SLC17A8: variants seen among roughly 807,000 people sequenced by gnomAD.
The protein encoded by SLC17A8 is solute carrier family 17 member 8.
Under a neutral mutation model 58.0 loss-of-function variants are expected in SLC17A8, and 31 were observed. The ratio of observed to expected loss-of-function variants is 0.53; its 90% CI spans 0.40 to 0.72. The LOEUF is 0.72. Among genes scored for constraint, SLC17A8 ranks in the 30% least tolerant of loss-of-function variants. SLC17A8 has a pLI of 0.00. For missense variants in SLC17A8, 655 were observed against 727.8 expected (o/e 0.90, Z 1.15); for synonymous variants, 228 against 249.0 (o/e 0.92, Z 0.79).
At position 100,420,284 on chromosome 12, in the gene SLC17A8, A is replaced by G; in HGVS notation, c.*125A>G. The G allele has an allele frequency of 2.8e-6, 2 of 723,478 alleles. No homozygotes were observed. The highest frequency in any genetic ancestry group is 5.4e-5 in the East Asian group (2 of 37,030). 44.8% of individuals were successfully genotyped at this position (723,478 alleles called of 1,614,324 possible). A position where few individuals can be genotyped will look rare whatever the true frequency, so the allele number is the denominator to read the frequency against. ...GGGAGGGGAGAAGATCTAACCAGCA[A>G]CAGGGAAAAGAGAAATATTATCTTT... On this transcript the variant is annotated 3_prime_UTR_variant, in exon 12 of 12. Coordinates refer to ENST00000323346, the MANE Select transcript of SLC17A8 (RefSeq NM_139319.3).
chr12:100,393,271 G>T, intron 3 of SLC17A8, 98 bp from the exon 4 acceptor site: 1 of 809,018 alleles, frequency 1.2e-6, no homozygotes, highest in Middle Eastern at 2.8e-4. Flanking sequence ...ATTTCCACAG[G>T]GATCTTTCAT....
intron 2 of SLC17A8, 41 bp downstream of exon 2, chr12:100,380,994 C>T (rs372506334): frequency 2.7e-5 from 44 of 1,611,472 alleles, no homozygotes; most frequent in African/African-American, 1.2e-4. Flanking sequence ...CTTTTTGAGA[C>T]AGGGTCTCGC....
At chr12:100,410,828 C>T (rs1302330781) in intron 9 of SLC17A8, 1 of 152,152 alleles carries the variant, frequency 6.6e-6, no homozygotes, top group Non-Finnish European at 1.5e-5. Context: ...AGGAGAAGTC[C>T]AAGGTAGTTC....
At chr12:100,401,719 G>A (rs971741416) in intron 5 of SLC17A8, 58 bp from the exon 6 acceptor site, 3 of 1,332,800 alleles carry the variant, frequency 2.3e-6, no homozygotes, top group African/African-American at 1.4e-5. Context: ...AATTCTAAAT[G>A]AGCTGAAAAG....
At chr12:100,386,888 C>T (rs1299011041) in intron 2 of SLC17A8, among the ~76,000 whole-genome samples, 1 of 152,004 alleles carries the variant, frequency 6.6e-6, no homozygotes, top group African/African-American at 2.4e-5. Context: ...GGGGTTTCAC[C>T]ACATTGGCCA....
At chr12:100,403,668 A>G in intron 8 of SLC17A8, among the ~76,000 whole-genome samples, 1 of 152,144 alleles carries the variant, frequency 6.6e-6, no homozygotes, top group East Asian at 1.9e-4. Context: ...CTGCCTAGCT[A>G]CAGATACTGT....
intron 5 of SLC17A8, among the ~76,000 whole-genome samples, chr12:100,399,426 C>G (rs180895291): frequency 7.6e-4 from 116 of 152,272 alleles, no homozygotes; most frequent in African/African-American, 2.7e-3. Context: ...GTGTATTAGT[C>G]TGTTTTCACA....
At chr12:100,391,181 C>A in intron 3 of SLC17A8, 62 bp downstream of exon 3, 1 of 1,162,650 alleles carries the variant, frequency 8.6e-7, no homozygotes, top group Non-Finnish European at 1.3e-6. Flanking sequence ...CCTATAAATT[C>A]TGCATAGCTG....
At chr12:100,370,265 ACT>A (rs1267013836) in intron 1 of SLC17A8, among the ~76,000 whole-genome samples, 1 of 149,998 alleles carries the variant, frequency 6.7e-6, no homozygotes, top group Non-Finnish European at 1.5e-5. Flanking sequence ...TGGTTTTTAA[ACT>A]CTGTCAATTA....
chr12:100,397,936 C>T (rs1484350091), intron 5 of SLC17A8, among the ~76,000 whole-genome samples: 3 of 149,396 alleles, frequency 2.0e-5, no homozygotes, highest in Non-Finnish European at 4.4e-5. Flanking sequence ...AGGAAGACCC[C>T]GTCTCAAAAA....
At chr12:100,357,796 AG>A (rs1454269126) in intron 1 of SLC17A8, among the ~76,000 whole-genome samples, 2 of 152,230 alleles carry the variant, frequency 1.3e-5, no homozygotes, top group African/African-American at 4.8e-5. Context: ...GAAAATATTT[AG>A]GGAGATAATA....
chr12:100,398,182 T>G (rs1288924593), intron 5 of SLC17A8, among the ~76,000 whole-genome samples: 1 of 152,232 alleles, frequency 6.6e-6, no homozygotes, highest in Admixed American at 6.5e-5. Flanking sequence ...GTGTGAGGTA[T>G]TCACCGCTAT....
At chr12:100,368,818 A>C (rs1191652997) in intron 1 of SLC17A8, among the ~76,000 whole-genome samples, 2 of 152,256 alleles carry the variant, frequency 1.3e-5, no homozygotes, top group African/African-American at 4.8e-5. Flanking sequence ...ATACCTACAG[A>C]GTAAAGCAAC....
chr12:100,394,305 C>T (rs543434798), intron 4 of SLC17A8, among the ~76,000 whole-genome samples: 5 of 151,540 alleles, frequency 3.3e-5, no homozygotes, highest in East Asian at 3.9e-4. Flanking sequence ...TCCCCTAGAT[C>T]GACTCATTTA....
Position 100,380,863 on chromosome 12 carries a change from T to G in SLC17A8, c.264T>G (p.Ile88Met). Residue 88 changes from isoleucine to methionine, a missense_variant, in exon 2 of 12, where the codon ATT becomes ATG. Ile to Met is a conservative substitution (Grantham distance 10, BLOSUM62 1). Coordinates refer to ENST00000323346, the MANE Select transcript of SLC17A8 (RefSeq NM_139319.3). ...IAIMSGLGFCISFGIRCNLGV... is the reference protein window; with the variant it reads ...IAIMSGLGFCMSFGIRCNLGV... ...TCATGAGTGGGCTGGGATTCTGCAT[T>G]TCCTTTGGGATCCGGTGCAATCTTG... 6.2e-7 allele frequency: 1 copy of G among 1,614,164 alleles called. No homozygotes were observed.
chr12:100,410,262 G>A (rs1952857216), intron 9 of SLC17A8, among the ~76,000 whole-genome samples: 1 of 152,028 alleles, frequency 6.6e-6, no homozygotes, highest in Non-Finnish European at 1.5e-5. Flanking sequence ...TTGGGAGGCT[G>A]AGGTGGGTGG....
chr12:100,409,067 G>T (rs1173556934), intron 9 of SLC17A8, among the ~76,000 whole-genome samples: 1 of 152,068 alleles, frequency 6.6e-6, no homozygotes, highest in Admixed American at 6.6e-5. Context: ...ATCATTTACG[G>T]TAAGTACTTC....
Position 100,389,494 on chromosome 12 carries a change from T to C in SLC17A8, c.355-1507T>C, listed in dbSNP as rs533208974. Among the ~76,000 whole-genome samples the C allele has an allele frequency of 5.9e-5, 9 of 152,192 alleles. No homozygotes were observed. The South Asian group carries it at 1.2e-3, about 21-fold the overall frequency. ...AACTTAGTAGCCCCCCAAAACCCCATTTTTTGTTTTATTCACAAGCTATTT... is the reference window on the plus strand; with the variant it reads ...AACTTAGTAGCCCCCCAAAACCCCACTTTTTGTTTTATTCACAAGCTATTT... On this transcript the variant is annotated intron_variant, in intron 2 of 11. Coordinates refer to ENST00000323346, the MANE Select transcript of SLC17A8 (RefSeq NM_139319.3).
intron 1 of SLC17A8, among the ~76,000 whole-genome samples, chr12:100,371,394 A>G (rs1952557882): frequency 6.6e-6 from 1 of 152,222 alleles, no homozygotes; most frequent in South Asian, 2.1e-4. Flanking sequence ...CCTTTAAAAA[A>G]AAGTCTCTGT....
Sources: allele counts gnomAD v4.1 joint callset (sites outside exome capture counted in the v4.1 genomes callset), GRCh38; gene constraint gnomAD v4.1.1; transcripts MANE v1.5; gene names NCBI Gene and HGNC (gene_info 2026-07-23, HGNC 2026-07-21).